ALDH6A1: variants seen among roughly 807,000 people sequenced by gnomAD.
ALDH6A1 encodes the protein methylmalonate-semialdehyde/malonate-semialdehyde dehydrogenase [acylating], mitochondrial.
In ALDH6A1, 43 loss-of-function variants were observed where a neutral mutation model predicts 62.6. That is an observed-to-expected ratio of 0.69 (90% CI 0.54 to 0.89). The LOEUF is 0.89. Among genes scored for constraint, ALDH6A1 ranks in the 40% least tolerant of loss-of-function variants. ALDH6A1 has a pLI of 0.00. For missense variants in ALDH6A1, 551 were observed against 661.3 expected (o/e 0.83, Z 1.83); for synonymous variants, 194 against 234.2 (o/e 0.83, Z 1.57).
intron 6 of ALDH6A1, chr14:74,070,966 CA>C (rs1396702437): frequency 1.6e-5 from 9 of 561,682 alleles, no homozygotes; most frequent in Non-Finnish European, 2.9e-5. Context: ...AGCCCTAATC[CA>C]TATTTCTAGT....
intron 2 of ALDH6A1, among the ~76,000 whole-genome samples, chr14:74,073,229 G>A (rs974868795): frequency 6.6e-6 from 1 of 152,042 alleles, no homozygotes; most frequent in Non-Finnish European, 1.5e-5. Flanking sequence ...TCAGCCTCCT[G>A]AGCAGCTGGG....
rs910309384 is a variant in ALDH6A1, at chr14:74,060,343, C to G, written c.*299G>C. On this transcript the variant is annotated 3_prime_UTR_variant, in exon 12 of 12. Coordinates refer to ENST00000553458, the MANE Select transcript of ALDH6A1 (RefSeq NM_005589.4). ...ACACTGGCTTTTCTCCCCTTCAAAT[C>G]ATCAGAAAATGGGATAATTTTTAGA... 1 of 344,330 alleles carries G rather than the reference C, an allele frequency of 2.9e-6. No individual in the cohort carries two copies. The highest frequency in any genetic ancestry group is 5.6e-6 in the Non-Finnish European group (1 of 180,026). 21.3% of individuals were successfully genotyped at this position (344,330 alleles called of 1,614,324 possible). A position where few individuals can be genotyped will look rare whatever the true frequency, so the allele number is the denominator to read the frequency against.
Position 74,057,097 on chromosome 14 carries a change from AT to A in ALDH6A1, c.*3544del. ...AGTCTGTTATTCTAAACCAGGTTTC[AT>A]GTGTGTAGAGTTGTTGACGGTTCTG... On this transcript the variant is annotated 3_prime_UTR_variant, in exon 12 of 12. Transcript: ENST00000553458. 6.2e-7 allele frequency: 1 copy of A among 1,601,230 alleles called. No homozygotes were observed. The highest frequency in any genetic ancestry group is 8.5e-7 in the Non-Finnish European group (1 of 1,172,492).
intron 1 of ALDH6A1, among the ~76,000 whole-genome samples, chr14:74,083,389 A>G (rs1211576256): frequency 6.6e-6 from 1 of 152,158 alleles, no homozygotes; most frequent in Non-Finnish European, 1.5e-5. Flanking sequence ...AAGACTATAA[A>G]CAGAGTTGGA....
intron 1 of ALDH6A1, among the ~76,000 whole-genome samples, chr14:74,083,287 A>T (rs2139826281): frequency 6.6e-6 from 1 of 152,368 alleles, no homozygotes; most frequent in Admixed American, 6.5e-5. Context: ...TGTAATGAAT[A>T]AGAACGGCAC....
At chr14:74,083,475 C>A (rs922506849) in intron 1 of ALDH6A1, among the ~76,000 whole-genome samples, 1 of 152,004 alleles carries the variant, frequency 6.6e-6, no homozygotes, top group African/African-American at 2.4e-5. Context: ...GGACTCAATC[C>A]CCCAAGTGCA....
rs1251448310 is a variant in ALDH6A1, at chr14:74,057,661, G to A, written c.*2981C>T. On this transcript the variant is annotated 3_prime_UTR_variant, in exon 12 of 12. Coordinates refer to ENST00000553458, the MANE Select transcript of ALDH6A1 (RefSeq NM_005589.4). ...ATATGAAATGATTTTTTTAAGCCAA[G>A]TTTTTCTCTTTAAGAGTTTTTAATT... is the stretch of plus-strand genomic sequence containing the variant. 4 of 1,324,206 alleles carry A rather than the reference G, an allele frequency of 3.0e-6. No homozygotes were observed. Among genetic ancestry groups the A allele is most frequent in the Non-Finnish European group, 3.9e-6 (4 of 1,014,014 alleles). The allele number at this position is 1,324,206 out of a possible 1,614,324, so 82.0% of individuals were successfully genotyped here.
At chr14:74,083,611 C>T (rs866006161) in intron 1 of ALDH6A1, among the ~76,000 whole-genome samples, 2 of 152,364 alleles carry the variant, frequency 1.3e-5, no homozygotes, top group Middle Eastern at 3.4e-3. Flanking sequence ...ATACATGGAA[C>T]ATACTGGTAG....
At position 74,076,350 on chromosome 14, in the gene ALDH6A1, CTG is replaced by C. The variant is rs896442809; in HGVS notation, c.49-1335_49-1334del. Among the ~76,000 whole-genome samples, 71 of 152,066 alleles carry C rather than the reference CTG, an allele frequency of 4.7e-4. 1 individual carries two copies. Among genetic ancestry groups the C allele is most frequent in the African/African-American group, 1.6e-3 (67 of 41,412 alleles). ...TCAAATTGTAACTCACTAAAAAAGT[CTG>C]TATATATGTTATCAAAGTTGATTTT... On this transcript the variant is annotated intron_variant, in intron 1 of 11. Coordinates refer to ENST00000553458, the MANE Select transcript of ALDH6A1 (RefSeq NM_005589.4).
intron 11 of ALDH6A1, among the ~76,000 whole-genome samples, chr14:74,062,094 G>C (rs1161079847): frequency 6.7e-6 from 1 of 149,178 alleles, no homozygotes; most frequent in Non-Finnish European, 1.5e-5. Context: ...GGGCGTGGTG[G>C]AGCCTGAGGC....
intron 1 of ALDH6A1, among the ~76,000 whole-genome samples, chr14:74,080,154 T>G (rs763972512): frequency 2.6e-5 from 4 of 152,184 alleles, no homozygotes; most frequent in Non-Finnish European, 4.4e-5. Context: ...CTTAACAAGT[T>G]GCCAAAGGAG....
chr14:74,057,044 G>T lies in ALDH6A1; in HGVS notation c.*3598C>A. ...ACACGATGGTTCTTGTGGGCATCTT[G>T]AATGTGCTAATTGAAAGTAATATGA... On this transcript the variant is annotated 3_prime_UTR_variant, in exon 12 of 12. Transcript: ENST00000553458. 2.5e-6 allele frequency: 4 copies of T among 1,590,702 alleles called. No individual in the cohort carries two copies. Among genetic ancestry groups the T allele is most frequent in the Non-Finnish European group, 2.6e-6 (3 of 1,162,112 alleles).
At chr14:74,060,824 T>G in intron 11 of ALDH6A1, 78 bp from the exon 12 acceptor site, 163 of 895,194 alleles carry the variant, frequency 1.8e-4, no homozygotes, top group Non-Finnish European at 2.8e-4. Context: ...TTGAAGGAGG[T>G]ATTATAAAGT....
rs945528706 is a variant in ALDH6A1, at chr14:74,058,378, A to G, written c.*2264T>C. On this transcript the variant is annotated 3_prime_UTR_variant, in exon 12 of 12. Coordinates refer to ENST00000553458, the MANE Select transcript of ALDH6A1 (RefSeq NM_005589.4). The stretch of plus-strand genomic sequence containing the variant: ...AAATCACTACCAGTTGCCAGCTGTG[A>G]TAAGAGCTAAAACAAGGGGTACTGT... 1.3e-5 allele frequency: 2 copies of G among 151,590 alleles called. No individual in the cohort carries two copies. The highest frequency in any genetic ancestry group is 1.5e-5 in the Non-Finnish European group (1 of 67,942). 9.4% of individuals were successfully genotyped at this position (151,590 alleles called of 1,614,324 possible).
chr14:74,067,208 C>CT (rs1318397961), intron 8 of ALDH6A1, among the ~76,000 whole-genome samples, 172 bp downstream of exon 8: 15 of 151,860 alleles, frequency 9.9e-5, no homozygotes, highest in Non-Finnish European at 2.9e-5. Context: ...ACAGCCTGTG[C>CT]TTTAAAAAAA....
At chr14:74,067,997 T>TAA (rs35503985) in intron 7 of ALDH6A1, among the ~76,000 whole-genome samples, 36,259 of 132,734 alleles carry the variant, frequency 0.27, 5,580 homozygotes, top group South Asian at 0.44. Context: ...AGAGCAATGT[T>TAA]AAAAAAAAAA....
intron 7 of ALDH6A1, among the ~76,000 whole-genome samples, chr14:74,068,535 TCGAAA>T (rs1446801095): frequency 6.6e-6 from 1 of 151,764 alleles, no homozygotes; most frequent in African/African-American, 2.4e-5. Context: ...GGTCAGGAGA[TCGAAA>T]CCATCCTGGC....
chr14:74,063,908 G>A (rs954623872), intron 11 of ALDH6A1, among the ~76,000 whole-genome samples: 5 of 151,634 alleles, frequency 3.3e-5, no homozygotes, highest in African/African-American at 1.2e-4. Flanking sequence ...AAGTCAGACA[G>A]CTAATAACTG....
At chr14:74,080,771 C>T (rs529859131) in intron 1 of ALDH6A1, among the ~76,000 whole-genome samples, 4 of 152,284 alleles carry the variant, frequency 2.6e-5, no homozygotes, top group African/African-American at 9.6e-5. Context: ...ATCTAGTTTC[C>T]ATCCCATAAT....
Sources: gnomAD v4.1 joint callset for allele counts (sites outside exome capture counted in the v4.1 genomes callset) on GRCh38, gnomAD v4.1.1 for gene constraint, MANE v1.5 for transcripts, NCBI Gene and HGNC (gene_info 2026-07-23, HGNC 2026-07-21) for gene names.